The following MAP3K10 variants were observed in gnomAD, a reference collection of about 807,000 sequenced individuals.
MAP3K10 encodes the protein MKN28 derived nonreceptor_type serine/threonine kinase.
A neutral mutation model predicts 75.0 loss-of-function variants in MAP3K10; 22 were observed. The ratio of observed to expected loss-of-function variants is 0.29; its 90% CI spans 0.21 to 0.42. The LOEUF (loss-of-function observed/expected upper bound fraction) is 0.42. Ranked by LOEUF, MAP3K10 falls within the 10% of genes least tolerant of loss-of-function variation. The probability of loss-of-function intolerance (pLI) is 1.00; values close to 1 mark genes in which losing one functional copy is unlikely to be tolerated. For synonymous variants in MAP3K10, 599 were observed against 612.9 expected, an observed-to-expected ratio of 0.98 and a Z score of 0.34; for missense variants, 1,165 against 1,379.8, an observed-to-expected ratio of 0.84 and a Z score of 2.47.
At position 40,196,979 on chromosome 19, in the gene MAP3K10, A is replaced by G. The variant is rs1364444301; in HGVS notation, c.683-1396A>G. 2.0e-5 allele frequency among the ~76,000 whole-genome samples: 3 copies of G among 152,208 alleles called. No homozygotes were observed. The South Asian group carries it at 6.2e-4, about 32-fold the overall frequency. On this transcript the variant is annotated intron_variant, in intron 1 of 9. Coordinates refer to ENST00000253055, the MANE Select transcript of MAP3K10 (RefSeq NM_002446.4). ...TAAGCTAGAACCATCCAGTATGTTT[A>G]GGGAATACTTCAGTCAGATTTTGTC...
chr19:40,206,395 T>A (rs1973123196), intron 5 of MAP3K10: 1 of 401,096 alleles, frequency 2.5e-6, no homozygotes, highest in South Asian at 1.1e-4. Flanking sequence ...ATAGACCCCA[T>A]ATTTACCAAA....
At position 40,203,972 on chromosome 19, in the gene MAP3K10, T is replaced by G. The variant is rs570171925; in HGVS notation, c.864-513T>G. 2.0e-5 allele frequency among the ~76,000 whole-genome samples: 3 copies of G among 152,312 alleles called. No homozygotes were observed. In the South Asian group the frequency reaches 6.2e-4, roughly 32 times the overall value. ...AGAAAGCACAGGGCCTGCTCAGTAT[T>G]CAGTGTGGCTGCAAGATGAAGTTGG... On this transcript the variant is annotated intron_variant, in intron 2 of 9. Transcript: ENST00000253055.
At position 40,192,094 on chromosome 19, in the gene MAP3K10, G is replaced by A; in HGVS notation, c.63G>A (p.Trp21Ter). Residue 21 changes from tryptophan to a stop codon, truncating the protein, a stop_gained, in exon 1 of 10, where the codon TGG becomes TGA. Transcript: ENST00000253055. LOFTEE classifies it high-confidence loss of function. This position sits in a 1 kb window ranked among gnomAD's most constrained non-coding sequence, Gnocchi z 7.1. ...EWGTTPAGPV[W>*]TAVFDYEAAG... ...GCACGACCCCCGCGGGGCCCGTCTG[G>A]ACCGCGGTGTTCGACTACGAGGCGG... 1 of 1,546,314 alleles carries A rather than the reference G, an allele frequency of 6.5e-7. No homozygotes were observed. The highest frequency in any genetic ancestry group is 8.7e-7 in the Non-Finnish European group (1 of 1,149,504).
chr19:40,213,430 G>T lies in MAP3K10; in HGVS notation c.1838-87G>T. 3 of 1,544,350 alleles carry T rather than the reference G, an allele frequency of 1.9e-6. No individual in the cohort carries two copies. Among genetic ancestry groups the T allele is most frequent in the Non-Finnish European group, 2.6e-6 (3 of 1,151,026 alleles). ...CGTGGGTCTTGGTCTTGCTGTTGGA[G>T]GGGTCATCGGGGGCTGTCCCTTGGC... is the stretch of plus-strand genomic sequence containing the variant. On this transcript the variant is annotated intron_variant, in intron 8 of 9. Transcript: ENST00000253055. This position sits in a 1 kb window ranked among gnomAD's most constrained non-coding sequence, Gnocchi z 5.7.
At position 40,205,416 on chromosome 19, in the gene MAP3K10, C is replaced by T; in HGVS notation, c.1188+120C>T. 2 of 1,053,236 alleles carry T rather than the reference C, an allele frequency of 1.9e-6. No homozygotes were observed. Among genetic ancestry groups the T allele is most frequent in the South Asian group, 3.4e-5 (2 of 59,440 alleles). The allele number at this position is 1,053,236 out of a possible 1,614,324, so 65.2% of individuals were successfully genotyped here. A position where few individuals can be genotyped will look rare whatever the true frequency, so the allele number is the denominator to read the frequency against. On this transcript the variant is annotated intron_variant, in intron 4 of 9. Transcript: ENST00000253055. This position sits in a 1 kb window ranked among gnomAD's most constrained non-coding sequence, Gnocchi z 4.3. The stretch of plus-strand genomic sequence containing the variant: ...TTGGGTCCATGCAGGGTCAAGGGAG[C>T]CTTTTTTGCATATTAAGAAAAGACA...
Position 40,205,572 on chromosome 19 carries a change from A to T in MAP3K10, c.1188+276A>T. The T allele has an allele frequency of 1.8e-6, 1 of 542,236 alleles. No homozygotes were observed. Among genetic ancestry groups the T allele is most frequent in the East Asian group, 2.9e-5 (1 of 34,542 alleles). 33.6% of individuals were successfully genotyped at this position (542,236 alleles called of 1,614,324 possible). A position where few individuals can be genotyped will look rare whatever the true frequency, so the allele number is the denominator to read the frequency against. On this transcript the variant is annotated intron_variant, in intron 4 of 9. Coordinates refer to ENST00000253055, the MANE Select transcript of MAP3K10 (RefSeq NM_002446.4). This position sits in a 1 kb window ranked among gnomAD's most constrained non-coding sequence, Gnocchi z 4.3. ...GAAGAGAGGGCAAGAGGAGAGAAGG[A>T]CGGGGATACAAGATTCGCAAAGCAT...
chr19:40,191,941 C>A lies in MAP3K10; in HGVS notation c.-91C>A. 1.2e-6 allele frequency: 1 copy of A among 846,176 alleles called. No individual in the cohort carries two copies. The highest frequency in any genetic ancestry group is 1.7e-6 in the Non-Finnish European group (1 of 583,210). The allele number at this position is 846,176 out of a possible 1,614,324, so 52.4% of individuals were successfully genotyped here. ...AGGAGCTCCCTAGACCCCGCAGGGA[C>A]TGCCCTCCATCCCGGCCGCCGGGGC... On this transcript the variant is annotated 5_prime_UTR_variant, in exon 1 of 10. In the 5' UTR this introduces an upstream ATG that the reference lacks. Coordinates refer to ENST00000253055, the MANE Select transcript of MAP3K10 (RefSeq NM_002446.4).
chr19:40,198,309 G>A lies in MAP3K10; in HGVS notation c.683-66G>A. 6.8e-7 allele frequency: 1 copy of A among 1,477,358 alleles called. No individual in the cohort carries two copies. The highest frequency in any genetic ancestry group is 9.2e-7 in the Non-Finnish European group (1 of 1,084,030). 91.5% of individuals were successfully genotyped at this position (1,477,358 alleles called of 1,614,324 possible). A position where few individuals can be genotyped will look rare whatever the true frequency, so the allele number is the denominator to read the frequency against. ...AGACGTGTTTCTAGCTGAGGCAGCG[G>A]GCCAGAACACTTGGGTCTGCGGCGT... On this transcript the variant is annotated intron_variant, in intron 1 of 9. Transcript: ENST00000253055. The surrounding 1 kb of genome is among the most constrained non-coding windows in gnomAD (Gnocchi z 4.3).
At chr19:40,206,493 T>C (rs1291459771) in intron 5 of MAP3K10, 1 of 201,860 alleles carries the variant, frequency 5.0e-6, no homozygotes, top group East Asian at 1.1e-4. Context: ...GGAGGATCAC[T>C]TGAGTCCAGG....
Position 40,213,436 on chromosome 19 carries a change from A to T in MAP3K10, c.1838-81A>T. The T allele has an allele frequency of 6.4e-7, 1 of 1,556,770 alleles. No homozygotes were observed. Among genetic ancestry groups the T allele is most frequent in the Non-Finnish European group, 8.6e-7 (1 of 1,156,980 alleles). On this transcript the variant is annotated intron_variant, in intron 8 of 9. Coordinates refer to ENST00000253055, the MANE Select transcript of MAP3K10 (RefSeq NM_002446.4). This position sits in a 1 kb window ranked among gnomAD's most constrained non-coding sequence, Gnocchi z 5.7. ...TCTTGGTCTTGCTGTTGGAGGGGTC[A>T]TCGGGGGCTGTCCCTTGGCACAAGT...
At chr19:40,203,036 C>A (rs1209741433) in intron 2 of MAP3K10, among the ~76,000 whole-genome samples, 4 of 152,130 alleles carry the variant, frequency 2.6e-5, no homozygotes, top group Non-Finnish European at 5.9e-5. Context: ...ACACAGTAGG[C>A]ACTTAATAAG....
chr19:40,196,938 C>T (rs1972918074), intron 1 of MAP3K10, among the ~76,000 whole-genome samples: 1 of 152,158 alleles, frequency 6.6e-6, no homozygotes, highest in South Asian at 2.1e-4. Context: ...CTGTTAGTGA[C>T]AACCCGGGTA....
At chr19:40,214,856 T>C in intron 9 of MAP3K10, 114 bp from the exon 10 acceptor site, 1 of 624,870 alleles carries the variant, frequency 1.6e-6, no homozygotes, top group Non-Finnish European at 2.9e-6. Flanking sequence ...TGCAGCAAGA[T>C]CCACGGATTT....
In MAP3K10 at chr19:40,204,696, G is replaced by T; in HGVS notation, c.1012+63G>T. On this transcript the variant is annotated intron_variant, in intron 3 of 9. Coordinates refer to ENST00000253055, the MANE Select transcript of MAP3K10 (RefSeq NM_002446.4). The surrounding 1 kb of genome is among the most constrained non-coding windows in gnomAD (Gnocchi z 4.3). ...GGAGTGGCAGGGACCTGTGGGCCCA[G>T]ACCTTTCCCCTTCACACCTATCCAT... is the stretch of plus-strand genomic sequence containing the variant. 6.4e-7 allele frequency: 1 copy of T among 1,571,214 alleles called. No homozygotes were observed.
chr19:40,208,359 T>TA lies in MAP3K10; in HGVS notation c.1436-744_1436-743insA, dbSNP rs1454331782. ...GCTCTTTCTTTCTTTTTTTTTTTTTTTTTTTTTTTTGTATTTTTAGTAGAG... is the reference window on the plus strand; with the variant it reads ...GCTCTTTCTTTCTTTTTTTTTTTTTTATTTTTTTTTTGTATTTTTAGTAGAG... On this transcript the variant is annotated intron_variant, in intron 5 of 9. Transcript: ENST00000253055. Among the ~76,000 whole-genome samples the TA allele has an allele frequency of 4.2e-3, 474 of 113,742 alleles. 14 individuals carry two copies. Among genetic ancestry groups the TA allele is most frequent in the South Asian group, 9.2e-3 (30 of 3,264 alleles). 74.6% of individuals were successfully genotyped at this position (113,742 alleles called of 152,430 possible).
At position 40,205,077 on chromosome 19, in the gene MAP3K10, G is replaced by A. The variant is rs1189085085; in HGVS notation, c.1013-44G>A. On this transcript the variant is annotated intron_variant, in intron 3 of 9. Coordinates refer to ENST00000253055, the MANE Select transcript of MAP3K10 (RefSeq NM_002446.4). The surrounding 1 kb of genome is among the most constrained non-coding windows in gnomAD (Gnocchi z 4.3). ...GCTGAGTCCCCAGAGCATGACCACT[G>A]ACACCTCCATGCCCCACCACTGTCC... 2 of 1,578,036 alleles carry A rather than the reference G, an allele frequency of 1.3e-6. No homozygotes were observed. The highest frequency in any genetic ancestry group is 1.7e-6 in the Non-Finnish European group (2 of 1,150,170).
Position 40,205,081 on chromosome 19 carries a change from C to G in MAP3K10, c.1013-40C>G, listed in dbSNP as rs372648324. The G allele has an allele frequency of 3.1e-6, 5 of 1,589,500 alleles. No homozygotes were observed. In the Admixed American group the frequency reaches 6.7e-5, roughly 21 times the overall value. On this transcript the variant is annotated intron_variant, in intron 3 of 9. Coordinates refer to ENST00000253055, the MANE Select transcript of MAP3K10 (RefSeq NM_002446.4). The surrounding 1 kb of genome is among the most constrained non-coding windows in gnomAD (Gnocchi z 4.3). ...AGTCCCCAGAGCATGACCACTGACA[C>G]CTCCATGCCCCACCACTGTCCTTCC... is the stretch of plus-strand genomic sequence containing the variant.
Position 40,198,796 on chromosome 19 carries a change from G to A in MAP3K10, c.863+241G>A, listed in dbSNP as rs776973452. Among the ~76,000 whole-genome samples, 8 of 152,258 alleles carry A rather than the reference G, an allele frequency of 5.3e-5. No homozygotes were observed. Among genetic ancestry groups the A allele is most frequent in the African/African-American group, 9.6e-5 (4 of 41,466 alleles). On this transcript the variant is annotated intron_variant, in intron 2 of 9. Transcript: ENST00000253055. The surrounding 1 kb of genome is among the most constrained non-coding windows in gnomAD (Gnocchi z 4.3). ...AGGATCTAGAGACAAGGCCGGGCGC[G>A]GGGGCGCACACCTGTAATCCCAGCA...
Position 40,192,847 on chromosome 19 carries a change from A to T in MAP3K10, c.682+134A>T. ...GAAGGGGCAGCAGTATGATACCTTC[A>T]GGGTGAAGGTGAGGTAGGCCTTGCC... is the stretch of plus-strand genomic sequence containing the variant. On this transcript the variant is annotated intron_variant, in intron 1 of 9. Coordinates refer to ENST00000253055, the MANE Select transcript of MAP3K10 (RefSeq NM_002446.4). This position sits in a 1 kb window ranked among gnomAD's most constrained non-coding sequence, Gnocchi z 7.1. 1 of 722,762 alleles carries T rather than the reference A, an allele frequency of 1.4e-6. No individual in the cohort carries two copies. Among genetic ancestry groups the T allele is most frequent in the Non-Finnish European group, 2.1e-6 (1 of 467,668 alleles). The allele number at this position is 722,762 out of a possible 1,614,324, so 44.8% of individuals were successfully genotyped here.
Sources: allele counts gnomAD v4.1 joint callset (sites outside exome capture counted in the v4.1 genomes callset), GRCh38; gene constraint gnomAD v4.1.1; non-coding constraint Gnocchi (gnomAD v3.1); transcripts MANE v1.5; gene names NCBI Gene and HGNC (gene_info 2026-07-23, HGNC 2026-07-21).